FAM89A: variants seen among roughly 807,000 people sequenced by gnomAD.
FAM89A encodes protein FAM89A.
Under a neutral mutation model 7.1 loss-of-function variants are expected in FAM89A, and 10 were observed. The observed-to-expected ratio is 1.40, with a 90% CI of 0.86 to 2.38. FAM89A has a LOEUF of 2.38. Among genes scored for constraint, FAM89A ranks in the 30% most tolerant of loss-of-function variants. The probability of loss-of-function intolerance (pLI) is 0.00; values close to 1 mark genes in which losing one functional copy is unlikely to be tolerated. For missense variants in FAM89A, 276 were observed against 262.8 expected, an observed-to-expected ratio of 1.05 and a Z score of -0.35; for synonymous variants, 157 against 129.3, an observed-to-expected ratio of 1.21 and a Z score of -1.45.
In FAM89A at chr1:231,034,771, T is replaced by TAAAAA. The variant is rs1558257188; in HGVS notation, c.291+5149_291+5150insTTTTT. On this transcript the variant is annotated intron_variant, in intron 1 of 1. Coordinates refer to ENST00000366654, the MANE Select transcript of FAM89A (RefSeq NM_198552.3). ...TGGGCAACAAGATAGAAACTCTGTC[T>TAAAAA]CAAAAAAAAAAAAAAAAAAAAAAAG... is the stretch of plus-strand genomic sequence containing the variant. Among the ~76,000 whole-genome samples, 13 of 87,892 alleles carry TAAAAA rather than the reference T, an allele frequency of 1.5e-4. 5 individuals carry two copies. The highest frequency in any genetic ancestry group is 3.7e-4 in the Admixed American group (3 of 8,096). The allele number at this position is 87,892 out of a possible 152,430, so 57.7% of individuals were successfully genotyped here.
rs181997286 is a variant in FAM89A at position 231,037,938 on chromosome 1, G to A, written c.291+1983C>T. Among the ~76,000 whole-genome samples, 558 of 152,044 alleles carry A rather than the reference G, an allele frequency of 3.7e-3. 1 individual carries two copies. Among genetic ancestry groups the A allele is most frequent in the Admixed American group, 5.9e-3 (90 of 15,282 alleles). Reference sequence around the variant, plus strand: ...TTATGTCCCCTGCCACAGATTTGACGTCAGGCCTTCAATTTAAACAGATCA... The same window carrying A: ...TTATGTCCCCTGCCACAGATTTGACATCAGGCCTTCAATTTAAACAGATCA... On this transcript the variant is annotated intron_variant, in intron 1 of 1. Transcript: ENST00000366654.
At chr1:231,039,774 T>C (rs1233805927) in intron 1 of FAM89A, 147 bp downstream of exon 1, 1 of 761,768 alleles carries the variant, frequency 1.3e-6, no homozygotes, top group African/African-American at 1.8e-5. Context: ...ATGGGGGTCG[T>C]TGGGAGGACG....
chr1:231,036,450 C>CT (rs1419448937), intron 1 of FAM89A, among the ~76,000 whole-genome samples: 2 of 152,066 alleles, frequency 1.3e-5, no homozygotes, highest in Non-Finnish European at 2.9e-5. Context: ...TTCAAAAGGA[C>CT]TTTTTTGGTC....
At chr1:231,038,009 T>C (rs1160401049) in intron 1 of FAM89A, among the ~76,000 whole-genome samples, 1 of 152,234 alleles carries the variant, frequency 6.6e-6, no homozygotes, top group Non-Finnish European at 1.5e-5. Flanking sequence ...TCCCAGTTCT[T>C]GTTTTGCAAG....
chr1:231,020,350 T>C (rs1679853901), intron 1 of FAM89A, among the ~76,000 whole-genome samples: 1 of 152,180 alleles, frequency 6.6e-6, no homozygotes, highest in Non-Finnish European at 1.5e-5. Flanking sequence ...GGATCGCATC[T>C]GTGGGGCAAC....
intron 1 of FAM89A, among the ~76,000 whole-genome samples, chr1:231,025,734 G>C (rs552998230): frequency 6.6e-6 from 1 of 151,974 alleles, no homozygotes; most frequent in East Asian, 1.9e-4. Context: ...GGGAAAGAAA[G>C]AAGGAAGAAA....
At chr1:231,036,421 AATC>A (rs1160525867) in intron 1 of FAM89A, among the ~76,000 whole-genome samples, 6 of 152,134 alleles carry the variant, frequency 3.9e-5, no homozygotes, top group Non-Finnish European at 8.8e-5. Flanking sequence ...CTGATGTAAA[AATC>A]ATCATCATCA....
intron 1 of FAM89A, among the ~76,000 whole-genome samples, chr1:231,033,508 G>T (rs1247376241): frequency 6.6e-6 from 1 of 152,254 alleles, no homozygotes; most frequent in Non-Finnish European, 1.5e-5. Flanking sequence ...GGCCTCAGGG[G>T]GCTACAGCCA....
At chr1:231,027,544 G>A (rs1269247217) in intron 1 of FAM89A, among the ~76,000 whole-genome samples, 1 of 152,138 alleles carries the variant, frequency 6.6e-6, no homozygotes, top group Non-Finnish European at 1.5e-5. Flanking sequence ...TGATTTACCA[G>A]AAATCCTCTA....
At chr1:231,030,534 T>C (rs1022193735) in intron 1 of FAM89A, among the ~76,000 whole-genome samples, 5 of 152,242 alleles carry the variant, frequency 3.3e-5, no homozygotes, top group African/African-American at 7.2e-5. Flanking sequence ...GTCCTGGATA[T>C]AGATGAAGAA....
intron 1 of FAM89A, among the ~76,000 whole-genome samples, chr1:231,031,182 A>G (rs772183147): frequency 6.6e-6 from 1 of 152,176 alleles, no homozygotes; most frequent in Admixed American, 6.5e-5. Context: ...ATCTTTTTAA[A>G]TATCTGGCTT....
chr1:231,028,049 G>A (rs572485354), intron 1 of FAM89A, among the ~76,000 whole-genome samples: 2 of 152,324 alleles, frequency 1.3e-5, no homozygotes, highest in African/African-American at 4.8e-5. Context: ...CAGATATTTG[G>A]TGAATCAGTG....
At chr1:231,024,605 T>C (rs1679932179) in intron 1 of FAM89A, among the ~76,000 whole-genome samples, 2 of 151,828 alleles carry the variant, frequency 1.3e-5, no homozygotes, top group Admixed American at 6.6e-5. Context: ...GGTATGATCA[T>C]AGCTCACTGC....
Position 231,040,182 on chromosome 1 carries a change from GGCCCCGGGCGCC to G in FAM89A, c.18_29del (p.Pro8_Ala11del), listed in dbSNP as rs1680239099. The G allele has an allele frequency of 6.2e-6, 7 of 1,134,404 alleles. No homozygotes were observed. The highest frequency in any genetic ancestry group is 7.5e-6 in the Non-Finnish European group (7 of 928,648). 70.3% of individuals were successfully genotyped at this position (1,134,404 alleles called of 1,614,324 possible). ...GCCCCCGGACCGCGCCGTTGCCCGC[GGCCCCGGGCGCC>G]GCCCGGGCCCCACTCATCGCGCCGC... On this transcript the variant is annotated inframe_deletion, in exon 1 of 2. Coordinates refer to ENST00000366654, the MANE Select transcript of FAM89A (RefSeq NM_198552.3).
chr1:231,032,402 C>G (rs1369626601), intron 1 of FAM89A, among the ~76,000 whole-genome samples: 1 of 132,136 alleles, frequency 7.6e-6, no homozygotes, highest in Non-Finnish European at 1.6e-5. Context: ...ACCCCCCACC[C>G]CCAGCAATGC....
At chr1:231,036,014 C>T (rs546631649) in intron 1 of FAM89A, among the ~76,000 whole-genome samples, 1 of 152,204 alleles carries the variant, frequency 6.6e-6, no homozygotes, top group African/African-American at 2.4e-5. Flanking sequence ...GCAGCAAGGC[C>T]AAAATTGAGG....
chr1:231,039,872 G>C, intron 1 of FAM89A, 49 bp downstream of exon 1: 2 of 1,274,960 alleles, frequency 1.6e-6, no homozygotes, highest in Non-Finnish European at 9.9e-7. Context: ...ACTTTCCCGG[G>C]ACGGCGAGCC....
chr1:231,030,253 G>A (rs1341197983), intron 1 of FAM89A, among the ~76,000 whole-genome samples: 1 of 152,208 alleles, frequency 6.6e-6, no homozygotes, highest in East Asian at 1.9e-4. Flanking sequence ...AGCGCCATCA[G>A]GATTCAGAGA....
chr1:231,026,968 TA>T (rs1317147083), intron 1 of FAM89A: 1 of 152,146 alleles, frequency 6.6e-6, no homozygotes, highest in African/African-American at 2.4e-5. Context: ...GTAGGGTGGG[TA>T]AACCCAAGAC....
Sources: allele counts gnomAD v4.1 joint callset (sites outside exome capture counted in the v4.1 genomes callset), GRCh38; gene constraint gnomAD v4.1.1; transcripts MANE v1.5; gene names NCBI Gene and HGNC (gene_info 2026-07-23, HGNC 2026-07-21).